LTBP1: variants seen among roughly 807,000 people sequenced by gnomAD.
LTBP1 encodes the protein latent transforming growth factor beta binding protein 1.
A neutral mutation model predicts 207.6 loss-of-function variants in LTBP1; 129 were observed. The observed-to-expected ratio is 0.62, with a 90% CI of 0.54 to 0.72. The LOEUF (loss-of-function observed/expected upper bound fraction) is 0.72, where lower values mean the gene tolerates loss of function less well. LTBP1 is among the 30% of genes least tolerant of loss of function. LTBP1 has a pLI of 0.00. For synonymous variants in LTBP1, 963 were observed against 833.7 expected (o/e 1.16, Z -2.67); for missense variants, 2,281 against 2,217.2 (o/e 1.03, Z -0.58).
intron 5 of LTBP1, among the ~76,000 whole-genome samples, chr2:33,151,642 G>A (rs1012493899): frequency 6.6e-6 from 1 of 151,960 alleles, no homozygotes; most frequent in Non-Finnish European, 1.5e-5. Flanking sequence ...AGTCTCTAAA[G>A]TCCATTGTAT....
chr2:33,223,153 G>C (rs913725765), intron 9 of LTBP1, among the ~76,000 whole-genome samples: 2 of 152,102 alleles, frequency 1.3e-5, no homozygotes, highest in Non-Finnish European at 2.9e-5. Flanking sequence ...TCATGTCAAA[G>C]GAATATCTTG....
At chr2:32,993,304 G>A (rs891294167) in intron 2 of LTBP1, among the ~76,000 whole-genome samples, 1 of 152,136 alleles carries the variant, frequency 6.6e-6, no homozygotes, top group Non-Finnish European at 1.5e-5. Flanking sequence ...CAAGAGACAT[G>A]GGGAAGGGAA....
At chr2:33,186,813 G>A (rs2087253575) in intron 5 of LTBP1, 43 bp from the exon 6 acceptor site, 1 of 1,484,612 alleles carries the variant, frequency 6.7e-7, no homozygotes, top group Non-Finnish European at 9.4e-7. Flanking sequence ...CTTAGCCTCT[G>A]AGAGACTAAC....
chr2:33,177,499 A>T (rs1422996848), intron 5 of LTBP1, among the ~76,000 whole-genome samples: 1 of 152,136 alleles, frequency 6.6e-6, no homozygotes, highest in Non-Finnish European at 1.5e-5. Context: ...TAATTTTTGT[A>T]TGTACTAAAA....
At chr2:33,291,434 T>C (rs2093772731) in intron 19 of LTBP1, 1 of 152,242 alleles carries the variant, frequency 6.6e-6, no homozygotes, top group Non-Finnish European at 1.5e-5. Context: ...AACATGACAT[T>C]TTCCTGTTGC....
chr2:33,193,246 A>T lies in LTBP1; in HGVS notation c.1701+4395A>T, dbSNP rs370121743. The stretch of plus-strand genomic sequence containing the variant: ...AACCTCTGCCTCCCTGGTTCAAGGG[A>T]TTCTCCTGCCTCAGCCTCCCGAGTG... On this transcript the variant is annotated intron_variant, in intron 7 of 33. Coordinates refer to ENST00000404816, the MANE Select transcript of LTBP1 (RefSeq NM_206943.4). 2.0e-5 allele frequency among the ~76,000 whole-genome samples: 3 copies of T among 152,146 alleles called. No homozygotes were observed. In the East Asian group the frequency reaches 5.8e-4, roughly 29 times the overall value.
At chr2:33,078,990 C>G (rs909754009) in intron 3 of LTBP1, among the ~76,000 whole-genome samples, 2 of 151,770 alleles carry the variant, frequency 1.3e-5, no homozygotes, top group Non-Finnish European at 2.9e-5. Context: ...TCCCGAGTAG[C>G]TGGGATTACA....
At chr2:33,260,984 G>A (rs2092994336) in intron 13 of LTBP1, among the ~76,000 whole-genome samples, 2 of 152,054 alleles carry the variant, frequency 1.3e-5, no homozygotes, top group African/African-American at 4.8e-5. Flanking sequence ...TTGTTGTCTT[G>A]GTACTTAAAA....
chr2:33,214,754 G>T (rs370350139), intron 7 of LTBP1, among the ~76,000 whole-genome samples: 5 of 152,022 alleles, frequency 3.3e-5, no homozygotes, highest in African/African-American at 1.2e-4. Flanking sequence ...TGCGTGTCAC[G>T]TGTCTGCAGG....
chr2:33,187,135 ACATAGAAGT>A, intron 6 of LTBP1, 55 bp downstream of exon 6: 1 of 1,498,078 alleles, frequency 6.7e-7, no homozygotes, highest in Non-Finnish European at 9.2e-7. Context: ...TGCCAAACCC[ACATAGAAGT>A]CAAGGATCTG....
intron 2 of LTBP1, among the ~76,000 whole-genome samples, chr2:33,009,583 T>G (rs1313257827): frequency 6.6e-6 from 1 of 152,198 alleles, no homozygotes; most frequent in Non-Finnish European, 1.5e-5. Flanking sequence ...TACCAGAATC[T>G]AGGAGAGAAG....
chr2:33,369,512 G>A (rs534714371), intron 31 of LTBP1, among the ~76,000 whole-genome samples: 3 of 152,220 alleles, frequency 2.0e-5, no homozygotes, highest in African/African-American at 7.2e-5. Flanking sequence ...AACTGCTTTC[G>A]AAATATATCT....
At chr2:33,204,820 G>A (rs981512937) in intron 7 of LTBP1, among the ~76,000 whole-genome samples, 35 of 152,218 alleles carry the variant, frequency 2.3e-4, no homozygotes, top group African/African-American at 8.4e-4. Flanking sequence ...ACAATCAGGA[G>A]AAACATGAAA....
chr2:32,999,501 T>C lies in LTBP1; in HGVS notation c.566-21408T>C, dbSNP rs1297907159. 1.5e-5 allele frequency among the ~76,000 whole-genome samples: 2 copies of C among 129,890 alleles called. 1 individual carries two copies. Among genetic ancestry groups the C allele is most frequent in the Non-Finnish European group, 3.3e-5 (2 of 60,742 alleles). 85.2% of individuals were successfully genotyped at this position (129,890 alleles called of 152,430 possible). ...GAAAAGGGGTCAGGACTCCCAACAC[T>C]GCTTTCTCCTTCCTCCTCTCTGCTC... On this transcript the variant is annotated intron_variant, in intron 2 of 33. Coordinates refer to ENST00000404816, the MANE Select transcript of LTBP1 (RefSeq NM_206943.4).
At chr2:33,320,066 A>T (rs989999813) in intron 24 of LTBP1, among the ~76,000 whole-genome samples, 2 of 152,154 alleles carry the variant, frequency 1.3e-5, no homozygotes, top group African/African-American at 4.8e-5. Flanking sequence ...GATAACTAAG[A>T]TGTTAGAAAG....
At chr2:33,203,879 C>A (rs2089596098) in intron 7 of LTBP1, among the ~76,000 whole-genome samples, 1 of 152,110 alleles carries the variant, frequency 6.6e-6, no homozygotes, top group Admixed American at 6.5e-5. Flanking sequence ...CAGTTCTGAG[C>A]ATGTTGGAAA....
At chr2:33,188,334 T>C (rs559037017) in intron 6 of LTBP1, among the ~76,000 whole-genome samples, 1 of 145,976 alleles carries the variant, frequency 6.9e-6, no homozygotes, top group East Asian at 2.0e-4. Flanking sequence ...GGCAGGAGAA[T>C]CGCTTGAACC....
intron 19 of LTBP1, among the ~76,000 whole-genome samples, chr2:33,286,987 A>C (rs996640306): frequency 1.3e-5 from 2 of 152,182 alleles, no homozygotes; most frequent in African/African-American, 2.4e-5. Context: ...TGTTAAATGA[A>C]GAGTTAATGG....
intron 17 of LTBP1, 152 bp from the exon 18 acceptor site, chr2:33,275,649 A>T: frequency 2.3e-6 from 2 of 861,928 alleles, no homozygotes; most frequent in Non-Finnish European, 3.6e-6. Flanking sequence ...ACACCATTGC[A>T]CTCCAGCCTG....
Sources: allele counts gnomAD v4.1 joint callset (sites outside exome capture counted in the v4.1 genomes callset), GRCh38; gene constraint gnomAD v4.1.1; transcripts MANE v1.5; gene names NCBI Gene and HGNC (gene_info 2026-07-23, HGNC 2026-07-21).